Variants in RTL9 observed in about 807,000 individuals in gnomAD.
RTL9 encodes retrotransposon Gag like 9.
In RTL9, 19 loss-of-function variants were observed where a neutral mutation model predicts 44.7. The ratio of observed to expected loss-of-function variants is 0.42; its 90% CI spans 0.30 to 0.62. RTL9 has a LOEUF of 0.62. Ranked by LOEUF, RTL9 falls within the 20% of genes least tolerant of loss-of-function variation. The pLI is 0.16. For synonymous variants in RTL9, 407 were observed against 398.9 expected (o/e 1.02, Z -0.24); for missense variants, 1,105 against 1,080.6 (o/e 1.02, Z -0.32).
rs1037804751 is a variant in RTL9, at chrX:110,400,200, A to G, written c.-168+41284A>G. On this transcript the variant is annotated intron_variant, in intron 1 of 2. Coordinates refer to the RTL9 transcript ENST00000520821. ...TCTAAAATTGTTTCTGCAAAATAGT[A>G]TTATGTGCCACTGAGTAGATATCTT... Among the ~76,000 whole-genome samples, 4 of 105,899 alleles carry G rather than the reference A, an allele frequency of 3.8e-5. No homozygotes were observed. In the Admixed American group the frequency reaches 4.2e-4, roughly 11 times the overall value. 92.0% of individuals were successfully genotyped at this position (105,899 alleles called of 115,157 possible).
chrX:110,397,994 G>T (rs1187921990), intron 1 of RTL9, among the ~76,000 whole-genome samples: 1 of 112,379 alleles, frequency 8.9e-6, no homozygotes, highest in Non-Finnish European at 1.9e-5. Flanking sequence ...TTGACTACCT[G>T]CAAGTCTTAG....
chrX:110,359,903 T>C (rs1284761093), intron 1 of RTL9, among the ~76,000 whole-genome samples: 1 of 112,120 alleles, frequency 8.9e-6, no homozygotes, highest in East Asian at 2.8e-4. Flanking sequence ...AGAAGGGTAC[T>C]TAGAACTTAG....
At position 110,359,219 on chromosome X, in the gene RTL9, T is replaced by C. The variant is rs113359472; in HGVS notation, c.-168+303T>C. Among the ~76,000 whole-genome samples the C allele has an allele frequency of 8.1e-3, 896 of 111,102 alleles. 10 individuals carry two copies. The highest frequency in any genetic ancestry group is 0.028 in the African/African-American group (861 of 30,548). On this transcript the variant is annotated intron_variant, in intron 1 of 2. Transcript: ENST00000520821. ...TTCGCAACAGAAACTTGATTTTTCT[T>C]TCTTCTGTGTTTATCATCCTTTCTC...
At chrX:110,379,133 C>T (rs1004476602) in intron 1 of RTL9, among the ~76,000 whole-genome samples, 6 of 111,725 alleles carry the variant, frequency 5.4e-5, no homozygotes, top group Admixed American at 4.7e-4. Flanking sequence ...TCATACCACC[C>T]CCATCTGCTT....
intron 1 of RTL9, among the ~76,000 whole-genome samples, chrX:110,409,331 T>G (rs2068625165): frequency 9.0e-6 from 1 of 111,317 alleles, no homozygotes; most frequent in Non-Finnish European, 1.9e-5. Flanking sequence ...TCCTCTTATC[T>G]TGAGACATGC....
intron 1 of RTL9, among the ~76,000 whole-genome samples, chrX:110,400,394 C>T (rs2068556262): frequency 9.2e-6 from 1 of 109,023 alleles, no homozygotes; most frequent in African/African-American, 3.4e-5. Flanking sequence ...CCGTATTGTT[C>T]TGAGTCCTTT....
At chrX:110,407,094 T>C (rs781045536) in intron 1 of RTL9, among the ~76,000 whole-genome samples, 16 of 112,150 alleles carry the variant, frequency 1.4e-4, no homozygotes, top group Non-Finnish European at 2.6e-4. Flanking sequence ...TGCCGCCAAC[T>C]TCACCAGTCA....
At chrX:110,412,559 G>C (rs1261718022) in intron 1 of RTL9, among the ~76,000 whole-genome samples, 1 of 112,056 alleles carries the variant, frequency 8.9e-6, no homozygotes, top group Non-Finnish European at 1.9e-5. Flanking sequence ...AATGGGAAAA[G>C]TAACAATTCA....
At position 110,389,453 on chromosome X, in the gene RTL9, G is replaced by C. The variant is rs368085786; in HGVS notation, c.-168+30537G>C. ...TCTCTGCCACTTAGGTCTGCCACAA[G>C]TTGGCTTGCTCCCATGAAAAAGATG... is the stretch of plus-strand genomic sequence containing the variant. On this transcript the variant is annotated intron_variant, in intron 1 of 2. Transcript: ENST00000520821. 1.3e-4 allele frequency among the ~76,000 whole-genome samples: 15 copies of C among 112,165 alleles called. No individual in the cohort carries two copies. In the East Asian group the frequency reaches 1.9e-3, roughly 15 times the overall value.
chrX:110,401,852 C>T (rs768342857), intron 1 of RTL9, among the ~76,000 whole-genome samples: 25 of 112,387 alleles, frequency 2.2e-4, no homozygotes, highest in African/African-American at 7.4e-4. Flanking sequence ...AACACACTTA[C>T]GGTGTCCAGT....
At chrX:110,415,452 G>A (rs891837939), upstream of RTL9, among the ~76,000 whole-genome samples, 1 of 111,776 alleles carries the variant, frequency 8.9e-6, no homozygotes, top group Non-Finnish European at 1.9e-5. Context: ...ATGTTCTTTA[G>A]TGCTGCTTTT....
chrX:110,375,181 A>G (rs1484869030), intron 1 of RTL9, among the ~76,000 whole-genome samples: 1 of 112,013 alleles, frequency 8.9e-6, no homozygotes, highest in Non-Finnish European at 1.9e-5. Flanking sequence ...AAGACTAAAA[A>G]TGGTATTTAG....
intron 1 of RTL9, among the ~76,000 whole-genome samples, chrX:110,422,682 GTC>G (rs746052605): frequency 1.2e-3 from 140 of 112,216 alleles, no homozygotes; most frequent in Non-Finnish European, 2.2e-3. Flanking sequence ...ACCTTGTTGG[GTC>G]TCTTGTAGGG....
intron 1 of RTL9, among the ~76,000 whole-genome samples, chrX:110,442,568 A>G (rs1414071780): frequency 9.0e-6 from 1 of 111,215 alleles, no homozygotes; most frequent in Non-Finnish European, 1.9e-5. Context: ...AAAAACTTGT[A>G]TTCCCGACCT....
At chrX:110,434,747 C>T (rs187411758) in intron 1 of RTL9, among the ~76,000 whole-genome samples, 10 of 110,867 alleles carry the variant, frequency 9.0e-5, no homozygotes, top group Non-Finnish European at 1.9e-4. Context: ...TGGCTTTGAG[C>T]CCAGCTGAGA....
intron 1 of RTL9, among the ~76,000 whole-genome samples, chrX:110,369,884 G>T (rs190035719): frequency 7.7e-4 from 85 of 110,962 alleles, no homozygotes; most frequent in African/African-American, 2.7e-3. Flanking sequence ...TCCATATATG[G>T]GTTTCAATGG....
intron 1 of RTL9, among the ~76,000 whole-genome samples, chrX:110,420,456 G>T (rs775289781): frequency 1.2e-3 from 139 of 112,281 alleles, no homozygotes; most frequent in African/African-American, 4.4e-3. Context: ...TGGTGCAAGA[G>T]GTGCCTCTCA....
rs185485982 is a variant in RTL9, at chrX:110,373,102, A to G, written c.-168+14186A>G. Among the ~76,000 whole-genome samples, 805 of 112,168 alleles carry G rather than the reference A, an allele frequency of 7.2e-3. 5 individuals carry two copies. Among genetic ancestry groups the G allele is most frequent in the African/African-American group, 0.025 (777 of 30,875 alleles). On this transcript the variant is annotated intron_variant, in intron 1 of 2. Transcript: ENST00000520821. The stretch of plus-strand genomic sequence containing the variant: ...AAACCCTATGATATTAGGTACTATT[A>G]TAAACCCCATTTTATAAGTAGGGAG...
intron 1 of RTL9, among the ~76,000 whole-genome samples, chrX:110,425,975 TGC>T (rs1182174901): frequency 9.1e-6 from 1 of 109,991 alleles, no homozygotes; most frequent in African/African-American, 3.4e-5. Context: ...AGTGCGTGCG[TGC>T]GCGCACACAC....
Sources: gnomAD v4.1 joint callset for allele counts (sites outside exome capture counted in the v4.1 genomes callset) on GRCh38, gnomAD v4.1.1 for gene constraint, MANE v1.5 for transcripts, NCBI Gene and HGNC (gene_info 2026-07-23, HGNC 2026-07-21) for gene names.